SOX5: variants seen among roughly 807,000 people sequenced by gnomAD.
SOX5 encodes SRY-box transcription factor 5, also known as transcription factor SOX-5.
Under a neutral mutation model 92.0 loss-of-function variants are expected in SOX5, and 9 were observed. That is an observed-to-expected ratio of 0.10 (90% CI 0.06 to 0.17). The LOEUF (loss-of-function observed/expected upper bound fraction) is 0.17. Among genes scored for constraint, SOX5 ranks in the 10% least tolerant of loss-of-function variants. The probability of loss-of-function intolerance (pLI) is 1.00; values close to 1 mark genes in which losing one functional copy is unlikely to be tolerated. For synonymous variants in SOX5, 344 were observed against 336.3 expected, an observed-to-expected ratio of 1.02 and a Z score of -0.25; for missense variants, 642 against 944.5, an observed-to-expected ratio of 0.68 and a Z score of 4.20.
chr12:23,769,066 A>C (rs954139176), intron 3 of SOX5, among the ~76,000 whole-genome samples: 1 of 152,162 alleles, frequency 6.6e-6, no homozygotes, highest in East Asian at 1.9e-4. Context: ...TTTAGTCCAT[A>C]ATTCTAGACA....
At chr12:23,599,695 A>C (rs1013436605) in intron 9 of SOX5, among the ~76,000 whole-genome samples, 1 of 152,226 alleles carries the variant, frequency 6.6e-6, no homozygotes, top group Non-Finnish European at 1.5e-5. Context: ...TTGGATGTTT[A>C]GCACACCTAT....
chr12:23,864,440 G>C (rs2096789966), intron 2 of SOX5, among the ~76,000 whole-genome samples: 1 of 152,168 alleles, frequency 6.6e-6, no homozygotes, highest in Admixed American at 6.5e-5. Context: ...GGAAAGCAGA[G>C]ATAGGCCAAA....
chr12:23,705,354 A>T (rs1454956552), intron 6 of SOX5, among the ~76,000 whole-genome samples: 1 of 152,032 alleles, frequency 6.6e-6, no homozygotes, highest in Non-Finnish European at 1.5e-5. Context: ...GGTCTGTGTG[A>T]TCTACCTGTC....
At chr12:24,040,123 A>C (rs1269205000) in intron 4 of SOX5, among the ~76,000 whole-genome samples, 1 of 152,180 alleles carries the variant, frequency 6.6e-6, no homozygotes, top group Non-Finnish European at 1.5e-5. Flanking sequence ...TTATTTTCCC[A>C]GGAAGATAAT....
At chr12:23,951,992 A>G (rs944768251), upstream of SOX5, among the ~76,000 whole-genome samples, 4 of 152,154 alleles carry the variant, frequency 2.6e-5, no homozygotes, top group Non-Finnish European at 4.4e-5. Flanking sequence ...ACTCTAATGG[A>G]TAATGTATAC....
intron 1 of SOX5, among the ~76,000 whole-genome samples, chr12:24,540,129 A>G (rs1339076390): frequency 6.6e-6 from 1 of 152,118 alleles, no homozygotes; most frequent in Non-Finnish European, 1.5e-5. Context: ...ATAAAATTAT[A>G]CTGAGATGTT....
chr12:23,602,057 T>G (rs1452452281), intron 9 of SOX5, among the ~76,000 whole-genome samples: 2 of 152,188 alleles, frequency 1.3e-5, no homozygotes, highest in Non-Finnish European at 2.9e-5. Flanking sequence ...CATAAAGTTT[T>G]CTTAAACTTT....
chr12:24,227,219 C>A (rs1197108398), intron 3 of SOX5: 1 of 152,288 alleles, frequency 6.6e-6, no homozygotes, highest in African/African-American at 2.4e-5. Context: ...CCAGAAAAAC[C>A]TGCCAGCACC....
chr12:23,561,606 G>T (rs891913928), intron 11 of SOX5, among the ~76,000 whole-genome samples: 15 of 152,108 alleles, frequency 9.9e-5, no homozygotes, highest in Non-Finnish European at 2.2e-4. Context: ...AGGGGCCTAG[G>T]AGCTTCATGA....
chr12:23,912,252 TC>T (rs2097360145), intron 1 of SOX5, among the ~76,000 whole-genome samples: 1 of 152,144 alleles, frequency 6.6e-6, no homozygotes, highest in Non-Finnish European at 1.5e-5. Context: ...AAGAAGATGC[TC>T]AACAGCATTA....
chr12:23,578,117 C>CAAAAAAA (rs1163938652), intron 9 of SOX5, among the ~76,000 whole-genome samples: 531 of 34,884 alleles, frequency 0.015, 85 homozygotes, highest in East Asian at 0.041. Flanking sequence ...GAGACTGTGT[C>CAAAAAAA]AAAAAAAAAA....
chr12:24,276,709 T>A (rs112348221), intron 3 of SOX5, among the ~76,000 whole-genome samples: 2,697 of 152,236 alleles, frequency 0.018, 77 homozygotes, highest in African/African-American at 0.061. Context: ...GCCCATGGAA[T>A]GTTTCTGTCA....
intron 4 of SOX5, among the ~76,000 whole-genome samples, chr12:23,988,730 A>G (rs1385567416): frequency 6.6e-6 from 1 of 152,176 alleles, no homozygotes; most frequent in Non-Finnish European, 1.5e-5. Flanking sequence ...GAGTAGAAGA[A>G]GTGATACTCA....
At chr12:24,110,186 A>G (rs1211319609) in intron 4 of SOX5, among the ~76,000 whole-genome samples, 3 of 152,220 alleles carry the variant, frequency 2.0e-5, no homozygotes, top group Non-Finnish European at 1.5e-5. Context: ...CATTCTATAA[A>G]TCAACTATCT....
Position 23,755,701 on chromosome 12 carries a change from G to A in SOX5, c.505C>T (p.Leu169Phe). 6.3e-7 allele frequency: 1 copy of A among 1,582,416 alleles called. No individual in the cohort carries two copies. The highest frequency in any genetic ancestry group is 8.6e-7 in the Non-Finnish European group (1 of 1,166,472). The change falls in exon 4 of 15, where the codon CTC becomes TTC. Residue 169 changes from leucine to phenylalanine, a missense_variant. Leu to Phe is a conservative substitution (Grantham distance 22). Around this residue, in one of 8 missense-constraint regions of SOX5, gnomAD observed 324 missense variants for 461.6 expected, o/e 0.70. Transcript: ENST00000451604. ...AGCTTGTCTTTCCAGTCCTTTGAGA[G>A]TAGTTTTTCAATACTGGGGGTTTCT... ...PEETPSIEKL[L>F]SKDWKDKLLA...
At chr12:24,382,829 G>T (rs1222254326) in intron 1 of SOX5, among the ~76,000 whole-genome samples, 1 of 152,044 alleles carries the variant, frequency 6.6e-6, no homozygotes, top group African/African-American at 2.4e-5. Context: ...ATGAGGTTTT[G>T]GTTCTGAGCA....
At chr12:24,335,366 A>G (rs1388835247) in intron 2 of SOX5, among the ~76,000 whole-genome samples, 2 of 152,204 alleles carry the variant, frequency 1.3e-5, no homozygotes, top group Non-Finnish European at 1.5e-5. Context: ...TTTTCATTTT[A>G]TTATAACAAT....
chr12:24,552,034 G>C (rs1471103648), intron 1 of SOX5, among the ~76,000 whole-genome samples: 2 of 152,048 alleles, frequency 1.3e-5, no homozygotes, highest in African/African-American at 2.4e-5. Context: ...CTGTTAAAAA[G>C]TTATTTCCAA....
chr12:24,159,794 A>G (rs929528523), intron 4 of SOX5, among the ~76,000 whole-genome samples: 1 of 152,162 alleles, frequency 6.6e-6, no homozygotes, highest in African/African-American at 2.4e-5. Context: ...AATTATGCAG[A>G]AACATGATGC....
Sources: allele counts gnomAD v4.1 joint callset (sites outside exome capture counted in the v4.1 genomes callset), GRCh38; gene constraint gnomAD v4.1.1; regional missense constraint gnomAD v4.1.1; transcripts MANE v1.5; gene names NCBI Gene and HGNC (gene_info 2026-07-23, HGNC 2026-07-21).